Variants in ATP13A3 observed in about 807,000 individuals in gnomAD.
ATP13A3 encodes ATPase 13A3.
A neutral mutation model predicts 158.1 loss-of-function variants in ATP13A3; 59 were observed. The ratio of observed to expected loss-of-function variants is 0.37; its 90% CI spans 0.30 to 0.46. ATP13A3 has a LOEUF of 0.46. Among genes scored for constraint, ATP13A3 ranks in the 20% least tolerant of loss-of-function variants. The probability of loss-of-function intolerance (pLI) is 1.00; values close to 1 mark genes in which losing one functional copy is unlikely to be tolerated. For synonymous variants in ATP13A3, 491 were observed against 504.3 expected (o/e 0.97, Z 0.35); for missense variants, 1,166 against 1,525.2 (o/e 0.76, Z 3.92).
chr3:194,476,471 T>G (rs1385647403), intron 2 of ATP13A3, among the ~76,000 whole-genome samples: 1 of 152,172 alleles, frequency 6.6e-6, no homozygotes, highest in Admixed American at 6.5e-5. Context: ...TTAATGAGTA[T>G]GAGTTGCCTA....
At chr3:194,419,715 G>T (rs1716152900) in intron 31 of ATP13A3, 164 bp downstream of exon 31, 2 of 888,060 alleles carry the variant, frequency 2.3e-6, no homozygotes, top group African/African-American at 1.8e-5. Context: ...AACAGGTATA[G>T]CTAAGAAAAG....
At chr3:194,421,775 AG>A (rs1328783699) in intron 30 of ATP13A3, among the ~76,000 whole-genome samples, 1 of 151,972 alleles carries the variant, frequency 6.6e-6, no homozygotes, top group Non-Finnish European at 1.5e-5. Context: ...AATCAGAAAA[AG>A]GACAAAAAGC....
intron 2 of ATP13A3, among the ~76,000 whole-genome samples, chr3:194,467,382 A>G (rs1425856892): frequency 2.0e-5 from 3 of 152,236 alleles, no homozygotes; most frequent in African/African-American, 7.2e-5. Flanking sequence ...GCCTATAGCA[A>G]TCTATTTTCA....
chr3:194,441,560 T>C (rs1718053290), intron 15 of ATP13A3, 99 bp from the exon 16 acceptor site: 1 of 1,114,288 alleles, frequency 9.0e-7, no homozygotes, highest in African/African-American at 1.6e-5. Flanking sequence ...AAAAAATCTT[T>C]TAAATCCCAA....
chr3:194,437,482 A>G lies in ATP13A3; in HGVS notation c.1846-18T>C, dbSNP rs762847937. On this transcript the variant is annotated intron_variant, in intron 18 of 33. Coordinates refer to ENST00000645319, the MANE Select transcript of ATP13A3 (RefSeq NM_001367549.1). The stretch of plus-strand genomic sequence containing the variant: ...TAAGTAGCCTATATCATTTCAAAAG[A>G]GGCACAAAGCACTTAATATTCTTAA... 3 of 1,613,888 alleles carry G rather than the reference A, an allele frequency of 1.9e-6. No individual in the cohort carries two copies. The highest frequency in any genetic ancestry group is 2.5e-6 in the Non-Finnish European group (3 of 1,179,974).
intron 30 of ATP13A3, among the ~76,000 whole-genome samples, chr3:194,424,593 A>G (rs184354092): frequency 6.6e-6 from 1 of 152,340 alleles, no homozygotes; most frequent in African/African-American, 2.4e-5. Context: ...TAACTACAGC[A>G]AAAGAATAAT....
chr3:194,464,278 C>G (rs1238307790), intron 2 of ATP13A3, among the ~76,000 whole-genome samples: 1 of 152,124 alleles, frequency 6.6e-6, no homozygotes, highest in Non-Finnish European at 1.5e-5. Flanking sequence ...AATAAATAAC[C>G]AGTAAGATAC....
At chr3:194,446,753 A>G (rs1577064960) in intron 14 of ATP13A3, among the ~76,000 whole-genome samples, 174 bp downstream of exon 14, 1 of 152,246 alleles carries the variant, frequency 6.6e-6, no homozygotes, top group East Asian at 1.9e-4. Flanking sequence ...ATGTTAAGTG[A>G]GAACTTATGG....
In ATP13A3 at chr3:194,437,547, T is replaced by C. The variant is rs914960946; in HGVS notation, c.1845+9A>G. ...TATACTTAGTAAGAAGTAAACATTC[T>C]TCACTTACTGGAAGTTCAAACAGCT... On this transcript the variant is annotated intron_variant, in intron 18 of 33. Coordinates refer to ENST00000645319, the MANE Select transcript of ATP13A3 (RefSeq NM_001367549.1). 6.2e-7 allele frequency: 1 copy of C among 1,610,334 alleles called. No homozygotes were observed. Among genetic ancestry groups the C allele is most frequent in the Admixed American group, 1.7e-5 (1 of 59,748 alleles).
At position 194,460,843 on chromosome 3, in the gene ATP13A3, C is replaced by T. The variant is rs373070519; in HGVS notation, c.52-12G>A. 1.2e-6 allele frequency: 2 copies of T among 1,603,978 alleles called. No individual in the cohort carries two copies. Among genetic ancestry groups the T allele is most frequent in the Admixed American group, 1.7e-5 (1 of 58,284 alleles). On this transcript the variant is annotated splice_polypyrimidine_tract_variant and intron_variant, in intron 3 of 33. Transcript: ENST00000645319. ...TAACCATAAATCTCCTGCATGGACA[C>T]AGCGATCACATGATTAATTATCAAA...
In ATP13A3 at chr3:194,454,392, C is replaced by T. The variant is rs1360996381; in HGVS notation, c.631G>A (p.Val211Ile). ...TGGAAAATGTAAAATGGGTTGAGAA[C>T]CTAAAAAACAAGATTTTAAAGTCAA... ...PSVFKLLIKE[V>I]LNPFYIFQLF... Residue 211 changes from valine to isoleucine, a missense_variant and splice_region_variant, in exon 9 of 34, where the codon GTT (valine) becomes ATT (isoleucine). Val to Ile is a conservative substitution (Grantham distance 29). Coordinates refer to ENST00000645319, the MANE Select transcript of ATP13A3 (RefSeq NM_001367549.1). The T allele has an allele frequency of 1.9e-6, 3 of 1,608,346 alleles. No individual in the cohort carries two copies. Among genetic ancestry groups the T allele is most frequent in the East Asian group, 2.2e-5 (1 of 44,816 alleles).
At chr3:194,412,118 G>T (rs983602295) in intron 33 of ATP13A3, 81 bp downstream of exon 33, 2 of 1,140,656 alleles carry the variant, frequency 1.8e-6, no homozygotes, top group African/African-American at 1.5e-5. Context: ...AACAGAACAA[G>T]AACACGCTAG....
chr3:194,468,315 A>G (rs1720115717), intron 2 of ATP13A3: 1 of 149,530 alleles, frequency 6.7e-6, no homozygotes, highest in Non-Finnish European at 1.5e-5. Context: ...AATAGCAAGG[A>G]GCTTATAGGC....
At chr3:194,415,268 C>T (rs993459797) in intron 31 of ATP13A3, among the ~76,000 whole-genome samples, 20 of 152,248 alleles carry the variant, frequency 1.3e-4, no homozygotes, top group African/African-American at 3.4e-4. Flanking sequence ...AAGAGGCTAA[C>T]GGCCTTGCTG....
intron 15 of ATP13A3, among the ~76,000 whole-genome samples, chr3:194,442,859 CA>C (rs1718144457): frequency 6.6e-6 from 1 of 152,018 alleles, no homozygotes; most frequent in Admixed American, 6.6e-5. Flanking sequence ...TAAGATTTAT[CA>C]GTACCAATTA....
In ATP13A3 at chr3:194,459,464, T is replaced by C. The variant is rs776538634; in HGVS notation, c.479+7A>G. 2.0e-6 allele frequency: 3 copies of C among 1,530,882 alleles called. No homozygotes were observed. In the East Asian group the frequency reaches 6.8e-5, roughly 35 times the overall value. The allele number at this position is 1,530,882 out of a possible 1,614,324, so 94.8% of individuals were successfully genotyped here. A position where few individuals can be genotyped will look rare whatever the true frequency, so the allele number is the denominator to read the frequency against. On this transcript the variant is annotated splice_region_variant and intron_variant, in intron 6 of 33. Transcript: ENST00000645319. ...AAATACAATCCAAACAAAAGGAAGA[T>C]ACTTACTTTAAGAAATCAAAATTGT...
intron 8 of ATP13A3, 113 bp downstream of exon 8, chr3:194,455,780 T>C (rs1266151322): frequency 4.2e-6 from 3 of 721,300 alleles, no homozygotes; most frequent in Non-Finnish European, 6.9e-6. Context: ...CAAGTAAAAA[T>C]ATGAAAAAGA....
At chr3:194,468,064 CA>C (rs1207951932) in intron 2 of ATP13A3, 1 of 151,302 alleles carries the variant, frequency 6.6e-6, no homozygotes, top group Admixed American at 6.6e-5. Context: ...TAAAACTAAG[CA>C]TAAAAATTTG....
intron 16 of ATP13A3, 94 bp downstream of exon 16, chr3:194,441,216 TA>T (rs1718030667): frequency 9.5e-7 from 1 of 1,055,244 alleles, no homozygotes. Context: ...AGACTGTCAT[TA>T]AAACAAAAAG....
Sources: gnomAD v4.1 joint callset for allele counts (sites outside exome capture counted in the v4.1 genomes callset) on GRCh38, gnomAD v4.1.1 for gene constraint, MANE v1.5 for transcripts, NCBI Gene and HGNC (gene_info 2026-07-23, HGNC 2026-07-21) for gene names.